Variants in CFAP43 observed in about 807,000 individuals in gnomAD.
The protein encoded by CFAP43 is cilia- and flagella-associated protein 43.
A neutral mutation model predicts 218.9 loss-of-function variants in CFAP43; 155 were observed. The observed-to-expected ratio is 0.71, with a 90% CI of 0.62 to 0.81. The LOEUF is 0.81. Among genes scored for constraint, CFAP43 ranks in the 30% least tolerant of loss-of-function variants. The pLI is 0.00. For missense variants in CFAP43, 1,778 were observed against 1,954.3 expected (o/e 0.91, Z 1.70); for synonymous variants, 645 against 681.3 (o/e 0.95, Z 0.83).
At chr10:104,182,300 A>G (rs1436473279) in intron 17 of CFAP43, 66 bp downstream of exon 17, 1 of 1,459,954 alleles carries the variant, frequency 6.8e-7, no homozygotes, top group African/African-American at 1.5e-5. Flanking sequence ...AAAACCACAA[A>G]CCGAAAACTT....
intron 21 of CFAP43, 104 bp from the exon 22 acceptor site, chr10:104,167,841 G>T: frequency 1.4e-6 from 1 of 692,664 alleles, no homozygotes. Context: ...TAACCCATAG[G>T]TTATCATGTG....
At position 104,187,397 on chromosome 10, in the gene CFAP43, A is replaced by G. The variant is rs920836432; in HGVS notation, c.1783T>C (p.Leu595=). ...ELEHALSSAV[L]GFQSNQIYGF... The stretch of plus-strand genomic sequence containing the variant: ...TATATTTGGTTACTTTGAAAGCCCA[A>G]GACTGCAGAGGACAGAGCGTGCTCC... Residue 595 remains leucine, a synonymous_variant, in exon 14 of 38, where the codon TTG becomes CTG. Coordinates refer to ENST00000357060, the MANE Select transcript of CFAP43 (RefSeq NM_025145.7). The G allele has an allele frequency of 1.2e-6, 2 of 1,612,578 alleles. No individual in the cohort carries two copies. The highest frequency in any genetic ancestry group is 1.3e-5 in the African/African-American group (1 of 74,972).
At chr10:104,190,570 T>A (rs1284926599) in intron 12 of CFAP43, among the ~76,000 whole-genome samples, 1 of 152,214 alleles carries the variant, frequency 6.6e-6, no homozygotes. Flanking sequence ...AAACTTAAGC[T>A]AAATATGCCC....
chr10:104,185,156 T>G lies in CFAP43; in HGVS notation c.2011-10A>C. The G allele has an allele frequency of 6.2e-7, 1 of 1,613,446 alleles. No homozygotes were observed. Among genetic ancestry groups the G allele is most frequent in the Non-Finnish European group, 8.5e-7 (1 of 1,179,860 alleles). On this transcript the variant is annotated splice_polypyrimidine_tract_variant and intron_variant, in intron 15 of 37. Coordinates refer to ENST00000357060, the MANE Select transcript of CFAP43 (RefSeq NM_025145.7). ...ACCAAGCAAATGTTTCCTCAATAGT[T>G]AAGAAATAAACCAGAAAAATTACAA...
intron 3 of CFAP43, among the ~76,000 whole-genome samples, chr10:104,222,752 A>C (rs914031555): frequency 6.6e-6 from 1 of 152,206 alleles, no homozygotes; most frequent in African/African-American, 2.4e-5. Context: ...AATGCCCTCT[A>C]CAGAAGGCTC....
At chr10:104,203,641 T>C in intron 8 of CFAP43, 31 bp downstream of exon 8, 1 of 1,580,354 alleles carries the variant, frequency 6.3e-7, no homozygotes, top group Non-Finnish European at 8.6e-7. Context: ...TATCTGAAAA[T>C]CACATATCAA....
chr10:104,203,807 G>T lies in CFAP43; in HGVS notation c.964-4C>A. On this transcript the variant is annotated splice_polypyrimidine_tract_variant and splice_region_variant and intron_variant, in intron 7 of 37. Transcript: ENST00000357060. ...TAAAAGAATACACAAAGCCATCCTA[G>T]AGATGAGTGAGATAAACATAGAAAA... 2 of 1,591,790 alleles carry T rather than the reference G, an allele frequency of 1.3e-6. No homozygotes were observed. Among genetic ancestry groups the T allele is most frequent in the South Asian group, 1.2e-5 (1 of 86,144 alleles).
intron 24 of CFAP43, 51 bp from the exon 25 acceptor site, chr10:104,162,454 A>C (rs1195817760): frequency 2.0e-5 from 31 of 1,520,302 alleles, no homozygotes; most frequent in East Asian, 6.7e-5. Context: ...AATTCAAACT[A>C]AACTTTCCTT....
chr10:104,209,972 TCTTTA>T (rs921041084), intron 5 of CFAP43, among the ~76,000 whole-genome samples: 3 of 152,128 alleles, frequency 2.0e-5, no homozygotes, highest in Non-Finnish European at 4.4e-5. Context: ...GTAAATTTTT[TCTTTA>T]TTTTTAATTA....
chr10:104,171,110 A>G (rs1460241436), intron 20 of CFAP43, among the ~76,000 whole-genome samples: 1 of 152,194 alleles, frequency 6.6e-6, no homozygotes, highest in Non-Finnish European at 1.5e-5. Flanking sequence ...TCCCACATCT[A>G]TCACAGCATC....
At chr10:104,186,954 G>A (rs140365732) in intron 14 of CFAP43, among the ~76,000 whole-genome samples, 35 of 152,270 alleles carry the variant, frequency 2.3e-4, no homozygotes, top group South Asian at 1.0e-3. Context: ...TTGTAATTTT[G>A]GTTATGGCTT....
chr10:104,181,121 T>C (rs147147347), intron 17 of CFAP43, among the ~76,000 whole-genome samples: 94 of 152,272 alleles, frequency 6.2e-4, no homozygotes, highest in African/African-American at 2.2e-3. Context: ...GTAAAACTGA[T>C]TTTGAATTCC....
chr10:104,207,897 C>A, intron 5 of CFAP43, 73 bp from the exon 6 acceptor site: 1 of 1,473,954 alleles, frequency 6.8e-7, no homozygotes, highest in South Asian at 1.3e-5. Flanking sequence ...CTCACCAGAA[C>A]AACTGACAAA....
intron 3 of CFAP43, among the ~76,000 whole-genome samples, chr10:104,221,685 G>T (rs1327118373): frequency 6.6e-6 from 1 of 152,126 alleles, no homozygotes; most frequent in Non-Finnish European, 1.5e-5. Context: ...TTTTCCTGCT[G>T]GTTCCATTAT....
chr10:104,146,112 A>G, intron 30 of CFAP43, 151 bp downstream of exon 30: 1 of 546,674 alleles, frequency 1.8e-6, no homozygotes, highest in East Asian at 3.2e-5. Context: ...TCAAAAATAT[A>G]CAATGGCATA....
intron 16 of CFAP43, among the ~76,000 whole-genome samples, chr10:104,183,483 G>A (rs997327572): frequency 7.3e-5 from 11 of 150,590 alleles, no homozygotes; most frequent in African/African-American, 9.8e-5. Context: ...TCCGCTTCCC[G>A]GGTTCACGCC....
intron 27 of CFAP43, among the ~76,000 whole-genome samples, chr10:104,153,817 C>T (rs1224993906): frequency 6.6e-6 from 1 of 151,386 alleles, no homozygotes; most frequent in Non-Finnish European, 1.5e-5. Flanking sequence ...CCCTCTGCCC[C>T]CTACCTATCT....
chr10:104,131,705 TA>T (rs2087203728), intron 36 of CFAP43, among the ~76,000 whole-genome samples: 2 of 152,182 alleles, frequency 1.3e-5, no homozygotes, highest in Admixed American at 6.5e-5. Context: ...TGTATATTCT[TA>T]AACTGAGAGA....
chr10:104,223,331 C>T (rs1278201389), intron 3 of CFAP43, among the ~76,000 whole-genome samples: 1 of 152,158 alleles, frequency 6.6e-6, no homozygotes, highest in East Asian at 1.9e-4. Flanking sequence ...ATTAGCCTAA[C>T]AATCATCATT....
Sources: gnomAD v4.1 joint callset for allele counts (sites outside exome capture counted in the v4.1 genomes callset) on GRCh38, gnomAD v4.1.1 for gene constraint, MANE v1.5 for transcripts, NCBI Gene and HGNC (gene_info 2026-07-23, HGNC 2026-07-21) for gene names.